ANKDD1A: variants seen among roughly 807,000 people sequenced by gnomAD.
ANKDD1A encodes ankyrin repeat and death domain containing 1A, also known as ankyrin repeat and death domain-containing protein 1A.
Under a neutral mutation model 63.5 loss-of-function variants are expected in ANKDD1A, and 59 were observed. That is an observed-to-expected ratio of 0.93 (90% confidence interval 0.75 to 1.15). The LOEUF (loss-of-function observed/expected upper bound fraction) is 1.15, where lower values mean the gene tolerates loss of function less well. Ranked by LOEUF, ANKDD1A falls within the 50% of genes most tolerant of loss-of-function variation. The probability of loss-of-function intolerance (pLI) is 0.00; values close to 1 mark genes in which losing one functional copy is unlikely to be tolerated. For missense variants in ANKDD1A, 632 were observed against 656.4 expected, an observed-to-expected ratio of 0.96 and a Z score of 0.41; for synonymous variants, 266 against 263.9, an observed-to-expected ratio of 1.01 and a Z score of -0.08.
chr15:64,930,696 A>C, intron 6 of ANKDD1A, 126 bp from the exon 7 acceptor site: 3 of 805,708 alleles, frequency 3.7e-6, no homozygotes, highest in South Asian at 3.6e-5. Flanking sequence ...CCCTGGTTAT[A>C]GTTTTTGGCC....
In ANKDD1A at chr15:64,926,126, A is replaced by G. The variant is rs1417516015; in HGVS notation, c.427A>G (p.Ile143Val). The G allele has an allele frequency of 5.6e-6, 9 of 1,614,106 alleles. No individual in the cohort carries two copies. In the South Asian group the frequency reaches 9.9e-5, roughly 18 times the overall value. ...QKGHVPVLAF[I>V]MEDLEDVALD... Reference sequence around the variant, plus strand: ...AGGCCATGTGCCTGTGCTGGCGTTCATAATGGAGGACCTGGAGGATGTGGC... The same window carrying G: ...AGGCCATGTGCCTGTGCTGGCGTTCGTAATGGAGGACCTGGAGGATGTGGC... Residue 143 changes from isoleucine to valine, a missense_variant, in exon 5 of 15, where the codon ATA becomes GTA. Physicochemically the swap from Ile to Val is conservative, Grantham distance 29. Transcript: ENST00000319580.
intron 4 of ANKDD1A, among the ~76,000 whole-genome samples, chr15:64,923,605 G>A (rs2085023716): frequency 6.6e-6 from 1 of 152,154 alleles, no homozygotes; most frequent in African/African-American, 2.4e-5. Context: ...TGGCAGTGGT[G>A]GGAGTGCCTG....
chr15:64,954,903 CT>C (rs1595861887), intron 14 of ANKDD1A, among the ~76,000 whole-genome samples: 40 of 129,082 alleles, frequency 3.1e-4, no homozygotes, highest in African/African-American at 8.6e-4. Context: ...CTTCCTTCTT[CT>C]CTTGTCTCTT....
At chr15:64,938,387 A>G (rs2085152478) in intron 9 of ANKDD1A, among the ~76,000 whole-genome samples, 1 of 152,172 alleles carries the variant, frequency 6.6e-6, no homozygotes, top group Non-Finnish European at 1.5e-5. Flanking sequence ...GGCAGTATTT[A>G]CCCTTGATAA....
At chr15:64,952,582 TTTC>T (rs1487281535) in intron 14 of ANKDD1A, among the ~76,000 whole-genome samples, 8 of 96,108 alleles carry the variant, frequency 8.3e-5, no homozygotes, top group South Asian at 2.9e-4. Flanking sequence ...TTCTCCTTCT[TTTC>T]TTCTTCTTCC....
At position 64,954,043 on chromosome 15, in the gene ANKDD1A, T is replaced by C. The variant is rs1241123693; in HGVS notation, c.1484-3060T>C. ...CCTCTTCTTTTCTTTCTTCTTCCTC[T>C]TCTTCTTTTCTCCTTCTTCTTTCTT... On this transcript the variant is annotated intron_variant, in intron 14 of 14. Coordinates refer to ENST00000319580, the MANE Select transcript of ANKDD1A (RefSeq NM_182703.6). Among the ~76,000 whole-genome samples, 177 of 87,036 alleles carry C rather than the reference T, an allele frequency of 2.0e-3. 2 individuals carry two copies. Among genetic ancestry groups the C allele is most frequent in the African/African-American group, 7.3e-3 (174 of 23,878 alleles). 57.1% of individuals were successfully genotyped at this position (87,036 alleles called of 152,430 possible). A position where few individuals can be genotyped will look rare whatever the true frequency, so the allele number is the denominator to read the frequency against.
chr15:64,931,874 C>T (rs1357940873), intron 8 of ANKDD1A: 3 of 528,800 alleles, frequency 5.7e-6, no homozygotes, highest in East Asian at 5.8e-5. Flanking sequence ...GGGCCCAACA[C>T]CTCAATACCT....
chr15:64,931,716 C>A, intron 8 of ANKDD1A, 131 bp downstream of exon 8: 1 of 989,818 alleles, frequency 1.0e-6, no homozygotes, highest in Non-Finnish European at 1.5e-6. Context: ...AGGTTCTGAT[C>A]TTGGCTTCTC....
At chr15:64,953,777 T>TC (rs2085358713) in intron 14 of ANKDD1A, among the ~76,000 whole-genome samples, 7 of 21,790 alleles carry the variant, frequency 3.2e-4, no homozygotes, top group Middle Eastern at 0.026. Context: ...CTCTTCCCTC[T>TC]TTTCTTTCTT....
chr15:64,930,672 G>T (rs988940298), intron 6 of ANKDD1A, 150 bp from the exon 7 acceptor site: 1 of 649,712 alleles, frequency 1.5e-6, no homozygotes, highest in African/African-American at 1.8e-5. Flanking sequence ...CCAGGGCTTG[G>T]CCCTTGAATC....
intron 1 of ANKDD1A, 85 bp from the exon 2 acceptor site, chr15:64,915,712 A>G (rs2084963652): frequency 2.6e-6 from 3 of 1,150,144 alleles, no homozygotes; most frequent in East Asian, 2.4e-5. Flanking sequence ...AGAAATGTTC[A>G]GGAGTGGAAA....
chr15:64,952,364 CTTTCTTCTTCCTCTTTCCTTCT>C lies in ANKDD1A; in HGVS notation c.1483+2406_1483+2427del, dbSNP rs1276355825. Among the ~76,000 whole-genome samples, 168 of 133,120 alleles carry C rather than the reference CTTTCTTCTTCCTCTTTCCTTCT, an allele frequency of 1.3e-3. 1 individual carries two copies. The Middle Eastern group carries it at 0.023, about 18-fold the overall frequency. 87.3% of individuals were successfully genotyped at this position (133,120 alleles called of 152,430 possible). A position where few individuals can be genotyped will look rare whatever the true frequency, so the allele number is the denominator to read the frequency against. ...TTCTTCTTAGTTCTTCCTCCTTCTT[CTTTCTTCTTCCTCTTTCCTTCT>C]TTTCTTCTTCCTCCTTCTTCTTCTT... On this transcript the variant is annotated intron_variant, in intron 14 of 14. Transcript: ENST00000319580.
intron 14 of ANKDD1A, among the ~76,000 whole-genome samples, chr15:64,953,549 C>G (rs1409043316): frequency 3.2e-5 from 4 of 126,150 alleles, no homozygotes; most frequent in African/African-American, 1.2e-4. Flanking sequence ...CTTCTTCCTT[C>G]TCCTTCTTTC....
At chr15:64,952,104 CTT>C (rs1566916349) in intron 14 of ANKDD1A, among the ~76,000 whole-genome samples, 1 of 24,918 alleles carries the variant, frequency 4.0e-5, no homozygotes, top group East Asian at 8.9e-3. Context: ...CTTCTTCCTT[CTT>C]TTCTTCTTCT....
chr15:64,948,645 T>G (rs1595856895), intron 13 of ANKDD1A, among the ~76,000 whole-genome samples: 5 of 151,988 alleles, frequency 3.3e-5, no homozygotes, highest in Admixed American at 3.3e-4. Flanking sequence ...GCCAACATGG[T>G]GAATCCCCCG....
chr15:64,958,486 A>AGTCT lies in ANKDD1A; in HGVS notation c.*1301_*1304dup, dbSNP rs1476342146. ...AACCTAAAACTGTTCTAAAATAGAA[A>AGTCT]GTCTGTGAAAAAAAACAAAAGTAAA... is the stretch of plus-strand genomic sequence containing the variant. On this transcript the variant is annotated 3_prime_UTR_variant, in exon 15 of 15. Coordinates refer to ENST00000319580, the MANE Select transcript of ANKDD1A (RefSeq NM_182703.6). The AGTCT allele has an allele frequency of 1.3e-5, 2 of 152,040 alleles. No homozygotes were observed. The highest frequency in any genetic ancestry group is 4.8e-5 in the African/African-American group (2 of 41,412). The allele number at this position is 152,040 out of a possible 1,614,324, so 9.4% of individuals were successfully genotyped here. A position where few individuals can be genotyped will look rare whatever the true frequency, so the allele number is the denominator to read the frequency against.
Position 64,942,508 on chromosome 15 carries a change from C to G in ANKDD1A, c.909C>G (p.Phe303Leu), listed in dbSNP as rs1567115123. 6.2e-7 allele frequency: 1 copy of G among 1,613,906 alleles called. No individual in the cohort carries two copies. The highest frequency in any genetic ancestry group is 1.1e-5 in the South Asian group (1 of 91,046). Residue 303 changes from phenylalanine (F) to leucine (L), a missense_variant, in exon 10 of 15, where the codon TTC (phenylalanine) becomes TTG (leucine). By Grantham distance (22) the Phe-to-Leu change is conservative. Transcript: ENST00000319580. ...SPLHLAVRHN[F>L]PALVRLLINS... ...TGCACCTCGCTGTGAGGCACAACTT[C>G]CCTGCCTTGGTCCGGCTCCTCATCA...
At position 64,915,919 on chromosome 15, in the gene ANKDD1A, T is replaced by C; in HGVS notation, c.138+19T>C. 2 of 1,608,382 alleles carry C rather than the reference T, an allele frequency of 1.2e-6. No homozygotes were observed. Among genetic ancestry groups the C allele is most frequent in the African/African-American group, 2.7e-5 (2 of 74,942 alleles). ...AAACCACGTGCGTAATGAGCTTCTC[T>C]GAATCCAGGCACCTGGGATAGTGTC... is the stretch of plus-strand genomic sequence containing the variant. On this transcript the variant is annotated intron_variant, in intron 2 of 14. Transcript: ENST00000319580.
At chr15:64,918,448 A>G (rs1315969645) in intron 3 of ANKDD1A, among the ~76,000 whole-genome samples, 1 of 152,008 alleles carries the variant, frequency 6.6e-6, no homozygotes, top group African/African-American at 2.4e-5. Context: ...TCCTCCCTGT[A>G]CCTGCTTAGG....
Sources: gnomAD v4.1 joint callset for allele counts (sites outside exome capture counted in the v4.1 genomes callset) on GRCh38, gnomAD v4.1.1 for gene constraint, MANE v1.5 for transcripts, NCBI Gene and HGNC (gene_info 2026-07-23, HGNC 2026-07-21) for gene names.